Variants in REXO5 observed in about 807,000 individuals in gnomAD.
REXO5 encodes exonuclease NEF-sp.
A neutral mutation model predicts 88.5 loss-of-function variants in REXO5; 48 were observed. That is an observed-to-expected ratio of 0.54 (90% CI 0.43 to 0.69). The LOEUF (loss-of-function observed/expected upper bound fraction) is 0.69. REXO5 is among the 30% of genes least tolerant of loss of function. The pLI, the probability that REXO5 is intolerant of heterozygous loss-of-function variation, is 0.00. For synonymous variants in REXO5, 311 were observed against 336.5 expected, an observed-to-expected ratio of 0.92 and a Z score of 0.83; for missense variants, 749 against 912.2, an observed-to-expected ratio of 0.82 and a Z score of 2.30.
chr16:20,821,923 A>C, intron 6 of REXO5, 21 bp downstream of exon 6: 1 of 1,531,990 alleles, frequency 6.5e-7, no homozygotes, highest in Non-Finnish European at 8.7e-7. Context: ...GCTTACTCTG[A>C]TATTGCTAAC....
Position 20,846,288 on chromosome 16 carries a change from A to T in REXO5, c.2192A>T (p.Asn731Ile). ...RWSRKIGKLY[N>I]SLCPGTLCLI... is the part of the protein sequence containing the mutation. The stretch of plus-strand genomic sequence containing the variant: ...AGCCGGAAGATTGGAAAGCTCTACA[A>T]CAGCTTGTGCCCGGGCACTCTCTGC... Residue 731 changes from asparagine (N) to isoleucine (I), a missense_variant, in exon 19 of 20, where the codon AAC becomes ATC. Physicochemically the swap from Asn to Ile is moderately radical, Grantham distance 149 (BLOSUM62 -3). Transcript: ENST00000261377. 1 of 1,614,024 alleles carries T rather than the reference A, an allele frequency of 6.2e-7. No homozygotes were observed. The highest frequency in any genetic ancestry group is 8.5e-7 in the Non-Finnish European group (1 of 1,179,926).
At position 20,845,085 on chromosome 16, in the gene REXO5, C is replaced by T. The variant is rs2081586183; in HGVS notation, c.1968C>T (p.Ala656=). The change falls in exon 18 of 20, where the codon GCC becomes GCT. Residue 656 remains alanine (A), a synonymous_variant. Transcript: ENST00000261377. ...KFKSFGSAQQ[A]LNILTGKDWK... ...AAAGTTTTGGCAGTGCCCAGCAGGC[C>T]CTCAACATTCTCACAGGCAAGGACT... is the stretch of plus-strand genomic sequence containing the variant. The T allele has an allele frequency of 3.1e-6, 5 of 1,613,932 alleles. No individual in the cohort carries two copies. The East Asian group carries it at 1.1e-4, about 36-fold the overall frequency.
intron 5 of REXO5, among the ~76,000 whole-genome samples, chr16:20,820,512 T>C (rs1191993241): frequency 2.2e-5 from 1 of 45,700 alleles, no homozygotes; most frequent in Non-Finnish European, 3.5e-5. Flanking sequence ...TTCTCTCTCT[T>C]TATATATATA....
At chr16:20,844,070 C>A in intron 16 of REXO5, 44 bp downstream of exon 16, 1 of 1,176,802 alleles carries the variant, frequency 8.5e-7, no homozygotes. Context: ...GTCTGGCCTA[C>A]CACAGCCTGT....
intron 13 of REXO5, among the ~76,000 whole-genome samples, chr16:20,835,079 A>G (rs1195642584): frequency 6.6e-6 from 1 of 152,072 alleles, no homozygotes; most frequent in Non-Finnish European, 1.5e-5. Flanking sequence ...AATATTTGTG[A>G]GCTTTGGTCT....
chr16:20,849,187 T>A (rs768784685), intron 19 of REXO5, among the ~76,000 whole-genome samples: 1 of 152,218 alleles, frequency 6.6e-6, no homozygotes. Context: ...TATCTCTTAA[T>A]TGGTAAAGGT....
chr16:20,844,305 G>C (rs1353738338), intron 16 of REXO5, among the ~76,000 whole-genome samples: 1 of 152,068 alleles, frequency 6.6e-6, no homozygotes, highest in East Asian at 1.9e-4. Flanking sequence ...GGTTCTTTGT[G>C]GTTACCCTTT....
intron 5 of REXO5, among the ~76,000 whole-genome samples, 188 bp from the exon 6 acceptor site, chr16:20,821,574 G>A (rs559260499): frequency 1.2e-4 from 19 of 152,312 alleles, no homozygotes; most frequent in South Asian, 4.1e-4. Flanking sequence ...GATTACAGGC[G>A]TGAGCCACTG....
In REXO5 at chr16:20,811,860, AT is replaced by A. The variant is rs576564990; in HGVS notation, c.139-1327del. Among the ~76,000 whole-genome samples the A allele has an allele frequency of 7.7e-3, 1,167 of 152,318 alleles. 11 individuals carry two copies. The highest frequency in any genetic ancestry group is 0.027 in the African/African-American group (1,138 of 41,562). The stretch of plus-strand genomic sequence containing the variant: ...AGCCTCAGTACATTGTACTTGAACT[AT>A]TTCATTGGTCCTCCCAATTATTTAA... On this transcript the variant is annotated intron_variant, in intron 2 of 19. Transcript: ENST00000261377.
At chr16:20,849,275 C>A in intron 19 of REXO5, 124 bp from the exon 20 acceptor site, 3 of 845,744 alleles carry the variant, frequency 3.5e-6, no homozygotes, top group South Asian at 3.5e-5. Flanking sequence ...TTTCCATAAA[C>A]CTTCCTGCCC....
At chr16:20,822,083 G>A (rs764359904) in intron 6 of REXO5, among the ~76,000 whole-genome samples, 181 bp downstream of exon 6, 29 of 152,132 alleles carry the variant, frequency 1.9e-4, no homozygotes, top group Non-Finnish European at 3.8e-4. Context: ...GATGTCTACC[G>A]TGATTGGCAA....
intron 1 of REXO5, 48 bp from the exon 2 acceptor site, chr16:20,806,904 A>G: frequency 3.2e-6 from 5 of 1,543,256 alleles, no homozygotes; most frequent in Non-Finnish European, 4.4e-6. Flanking sequence ...CACGCGGGGG[A>G]ATAGGGGCGC....
intron 11 of REXO5, among the ~76,000 whole-genome samples, chr16:20,830,990 G>GTTTTTTTTTTT (rs11337519): frequency 2.1e-5 from 2 of 97,076 alleles, no homozygotes; most frequent in East Asian, 2.9e-4. Flanking sequence ...TTCTTTTTCT[G>GTTTTTTTTTTT]TTTTTTTTTT....
chr16:20,813,156 T>C, intron 2 of REXO5, 34 bp from the exon 3 acceptor site: 1 of 1,391,834 alleles, frequency 7.2e-7, no homozygotes, highest in Non-Finnish European at 1.0e-6. Flanking sequence ...TGATAACCAA[T>C]AATGGCTTGC....
chr16:20,828,631 T>G (rs1364563271), intron 11 of REXO5, 94 bp downstream of exon 11: 1 of 915,654 alleles, frequency 1.1e-6, no homozygotes, highest in Non-Finnish European at 1.7e-6. Context: ...TCTATTTTTA[T>G]GAAAATGGCA....
In REXO5 at chr16:20,813,199, T is replaced by C; in HGVS notation, c.148T>C (p.Leu50=). The C allele has an allele frequency of 6.2e-7, 1 of 1,612,174 alleles. No individual in the cohort carries two copies. ...ESQPEAKKAR[L]STILFTDNCE... Reference sequence around the variant, plus strand: ...TGATTAATCTTTGCAGAAAGCCCGCTTATCTACCATTTTATTTACTGACAA... The same window carrying C: ...TGATTAATCTTTGCAGAAAGCCCGCCTATCTACCATTTTATTTACTGACAA... Residue 50 remains leucine, a synonymous_variant, in exon 3 of 20, where the codon TTA becomes CTA. Coordinates refer to ENST00000261377, the MANE Select transcript of REXO5 (RefSeq NM_030941.3).
intron 16 of REXO5, 36 bp downstream of exon 16, chr16:20,844,062 C>A: frequency 7.7e-7 from 1 of 1,291,488 alleles, no homozygotes; most frequent in Non-Finnish European, 1.1e-6. Context: ...TTGCTTGGGT[C>A]TGGCCTACCA....
At position 20,807,026 on chromosome 16, in the gene REXO5, C is replaced by T; in HGVS notation, c.73C>T (p.Leu25=). The part of the protein sequence containing the change: ...VRESRQAPNK[L]VGAAEAMKAG... ...GGAAAGCAGGCAGGCCCCAAATAAGCTGGTCGGGGCAGCTGAGGCGATGAA... is the reference window on the plus strand; with the variant it reads ...GGAAAGCAGGCAGGCCCCAAATAAGTTGGTCGGGGCAGCTGAGGCGATGAA... Residue 25 remains leucine (L), a synonymous_variant, in exon 2 of 20, where the codon CTG becomes TTG. Transcript: ENST00000261377. 1 of 1,603,236 alleles carries T rather than the reference C, an allele frequency of 6.2e-7. No homozygotes were observed. The highest frequency in any genetic ancestry group is 1.1e-5 in the South Asian group (1 of 88,558).
At chr16:20,844,575 A>G (rs2081578027) in intron 16 of REXO5, 54 bp from the exon 17 acceptor site, 1 of 1,500,998 alleles carries the variant, frequency 6.7e-7, no homozygotes, top group African/African-American at 1.4e-5. Context: ...AGTATCCAAT[A>G]GGCCTGAGGA....
Sources: gnomAD v4.1 joint callset for allele counts (sites outside exome capture counted in the v4.1 genomes callset) on GRCh38, gnomAD v4.1.1 for gene constraint, MANE v1.5 for transcripts, NCBI Gene and HGNC (gene_info 2026-07-23, HGNC 2026-07-21) for gene names.